The following SVIL variants were observed in gnomAD, a reference collection of about 807,000 sequenced individuals.
SVIL encodes supervillin.
In SVIL, 101 loss-of-function variants were observed where a neutral mutation model predicts 240.4. The observed-to-expected ratio is 0.42, with a 90% CI of 0.36 to 0.50. The LOEUF (loss-of-function observed/expected upper bound fraction) is 0.50, where lower values mean the gene tolerates loss of function less well. Among genes scored for constraint, SVIL ranks in the 20% least tolerant of loss-of-function variants. SVIL has a pLI of 0.01. For missense variants in SVIL, 2,512 were observed against 2,818.7 expected, an observed-to-expected ratio of 0.89 and a Z score of 2.46; for synonymous variants, 999 against 1,100.0, an observed-to-expected ratio of 0.91 and a Z score of 1.82.
chr10:29,648,977 C>A (rs1271387246), intron 3 of SVIL, among the ~76,000 whole-genome samples: 14 of 151,318 alleles, frequency 9.3e-5, no homozygotes, highest in African/African-American at 2.9e-4. Context: ...CGTCTACACA[C>A]AAAAAAAACA....
chr10:29,546,490 T>C (rs548720539), intron 6 of SVIL, among the ~76,000 whole-genome samples: 1 of 152,356 alleles, frequency 6.6e-6, no homozygotes, highest in Non-Finnish European at 1.5e-5. Flanking sequence ...TTCTTTATCA[T>C]ATAAACTGAA....
intron 3 of SVIL, among the ~76,000 whole-genome samples, chr10:29,557,604 T>A (rs570327397): frequency 4.6e-5 from 7 of 152,264 alleles, no homozygotes; most frequent in East Asian, 3.9e-4. Flanking sequence ...AAAGGCATTT[T>A]AAAAAAAGAT....
intron 1 of SVIL, among the ~76,000 whole-genome samples, chr10:29,694,876 C>G (rs981722725): frequency 6.6e-6 from 1 of 152,120 alleles, no homozygotes; most frequent in African/African-American, 2.4e-5. Flanking sequence ...CTAAACAGCC[C>G]GAGGGACAGA....
chr10:29,720,632 A>C (rs1309720907), intron 1 of SVIL, among the ~76,000 whole-genome samples: 3 of 152,340 alleles, frequency 2.0e-5, no homozygotes, highest in South Asian at 4.1e-4. Context: ...AATACATAAG[A>C]GCTTTCTCCT....
intron 1 of SVIL, among the ~76,000 whole-genome samples, chr10:29,718,384 T>C (rs1007415369): frequency 1.3e-5 from 2 of 152,152 alleles, no homozygotes; most frequent in Non-Finnish European, 2.9e-5. Context: ...TACTAGGAAA[T>C]GTAAAATTAC....
intron 1 of SVIL, among the ~76,000 whole-genome samples, chr10:29,592,621 A>AT (rs1956433838): frequency 6.6e-6 from 1 of 152,194 alleles, no homozygotes; most frequent in Non-Finnish European, 1.5e-5. Flanking sequence ...GGGGAGGAGC[A>AT]TTTTCCAGAC....
intron 12 of SVIL, 150 bp from the exon 13 acceptor site, chr10:29,527,206 A>C (rs1950983078): frequency 1.3e-6 from 1 of 756,226 alleles, no homozygotes; most frequent in South Asian, 1.8e-5. Flanking sequence ...AAAATCACGA[A>C]AGAACTTCAA....
intron 17 of SVIL, among the ~76,000 whole-genome samples, chr10:29,505,128 G>A (rs1406415420): frequency 6.6e-6 from 1 of 152,172 alleles, no homozygotes; most frequent in Non-Finnish European, 1.5e-5. Flanking sequence ...TTTGAGACCA[G>A]CCTGGCCAAC....
intron 2 of SVIL, among the ~76,000 whole-genome samples, chr10:29,665,937 G>A (rs978329165): frequency 6.6e-6 from 1 of 152,234 alleles, no homozygotes; most frequent in Admixed American, 6.5e-5. Flanking sequence ...GAAAAAAGGG[G>A]ATGGGTCCTG....
At chr10:29,657,187 A>G (rs541224411) in intron 3 of SVIL, among the ~76,000 whole-genome samples, 1 of 152,270 alleles carries the variant, frequency 6.6e-6, no homozygotes, top group African/African-American at 2.4e-5. Flanking sequence ...TAATGTATTT[A>G]TTATCTAAAC....
chr10:29,473,706 G>GA, intron 30 of SVIL, 132 bp downstream of exon 30: 1 of 1,214,786 alleles, frequency 8.2e-7, no homozygotes, highest in Non-Finnish European at 1.2e-6. Flanking sequence ...GCCAGACCAG[G>GA]ACTGAAGTGC....
chr10:29,619,210 T>G (rs557623648), intron 1 of SVIL, among the ~76,000 whole-genome samples: 2 of 152,192 alleles, frequency 1.3e-5, no homozygotes, highest in Non-Finnish European at 2.9e-5. Flanking sequence ...TATGAGATAC[T>G]TTGTTTGCTG....
At position 29,524,722 on chromosome 10, in the gene SVIL, A is replaced by G. The variant is rs1950781377; in HGVS notation, c.2343-7T>C. ...GTGAGCAGAGGCCTGCAATCTGAAA[A>G]AAATAAAATGTCAGCAACACATATA... On this transcript the variant is annotated splice_region_variant and splice_polypyrimidine_tract_variant and intron_variant, in intron 13 of 37. Coordinates refer to ENST00000355867, the MANE Select transcript of SVIL (RefSeq NM_021738.3). 3 of 1,613,002 alleles carry G rather than the reference A, an allele frequency of 1.9e-6. No individual in the cohort carries two copies. The East Asian group carries it at 6.7e-5, about 36-fold the overall frequency.
At chr10:29,522,732 T>C in intron 15 of SVIL, 97 bp from the exon 16 acceptor site, 1 of 1,369,418 alleles carries the variant, frequency 7.3e-7, no homozygotes, top group Non-Finnish European at 1.0e-6. Context: ...GTTCAATCCG[T>C]GGGCACACGG....
chr10:29,458,991 ATTT>A (rs34388233), intron 36 of SVIL, among the ~76,000 whole-genome samples: 3 of 123,948 alleles, frequency 2.4e-5, no homozygotes, highest in Admixed American at 8.1e-5. Flanking sequence ...TTCCTTTTCC[ATTT>A]TTTTTTTTTT....
At chr10:29,657,837 G>A (rs531336700) in intron 3 of SVIL, 14 of 152,186 alleles carry the variant, frequency 9.2e-5, no homozygotes, top group African/African-American at 2.2e-4. Flanking sequence ...AATCTTCTTC[G>A]AGCTCTGGTT....
At position 29,457,816 on chromosome 10, in the gene SVIL, A is replaced by G. The variant is rs1481039890; in HGVS notation, c.*431T>C. 2 of 152,738 alleles carry G rather than the reference A, an allele frequency of 1.3e-5. No homozygotes were observed. Among genetic ancestry groups the G allele is most frequent in the Non-Finnish European group, 2.9e-5 (2 of 68,178 alleles). The allele number at this position is 152,738 out of a possible 1,614,324, so 9.5% of individuals were successfully genotyped here. A position where few individuals can be genotyped will look rare whatever the true frequency, so the allele number is the denominator to read the frequency against. On this transcript the variant is annotated 3_prime_UTR_variant, in exon 38 of 38. Transcript: ENST00000355867. Reference sequence around the variant, plus strand: ...ACAAATCTTGAAAGTGAATGAATACATATTGCTTTGTTAAATACATATTTG... The same window carrying G: ...ACAAATCTTGAAAGTGAATGAATACGTATTGCTTTGTTAAATACATATTTG...
intron 1 of SVIL, among the ~76,000 whole-genome samples, chr10:29,728,267 A>C (rs888641131): frequency 1.9e-4 from 29 of 152,376 alleles, no homozygotes; most frequent in Admixed American, 1.2e-3. Context: ...TGCAAGGGAA[A>C]GGTTATCCAA....
chr10:29,659,724 G>A lies in SVIL; in HGVS notation c.-300-1656C>T, dbSNP rs148488334. On this transcript the variant is annotated intron_variant, in intron 2 of 35. Transcript: ENST00000375400. ...TGCCTGGTGGAATTCAGACAGTCAT[G>A]AACTCATTCTTGTAAGCCACAGAGA... 1.7e-3 allele frequency among the ~76,000 whole-genome samples: 260 copies of A among 152,300 alleles called. 1 individual carries two copies. Among genetic ancestry groups the A allele is most frequent in the African/African-American group, 6.0e-3 (251 of 41,554 alleles).
Sources: gnomAD v4.1 joint callset for allele counts (sites outside exome capture counted in the v4.1 genomes callset) on GRCh38, gnomAD v4.1.1 for gene constraint, MANE v1.5 for transcripts, NCBI Gene and HGNC (gene_info 2026-07-23, HGNC 2026-07-21) for gene names.